MYO16: variants seen among roughly 807,000 people sequenced by gnomAD.
The protein encoded by MYO16 is unconventional myosin-XVI.
A neutral mutation model predicts 205.3 loss-of-function variants in MYO16; 94 were observed. That is an observed-to-expected ratio of 0.46 (90% CI 0.39 to 0.54). The LOEUF (loss-of-function observed/expected upper bound fraction) is 0.54. MYO16 is among the 20% of genes least tolerant of loss of function. The pLI is 0.00. For synonymous variants in MYO16, 988 were observed against 954.0 expected (o/e 1.04, Z -0.66); for missense variants, 2,315 against 2,387.5 (o/e 0.97, Z 0.63).
At chr13:108,537,619 G>A in the MYO16 span, among the ~76,000 whole-genome samples, 1 of 152,096 alleles carries the variant, frequency 6.6e-6, no homozygotes, top group South Asian at 2.1e-4. Context: ...AACACTAACA[G>A]TGGGTAAGCA....
intron 2 of MYO16, among the ~76,000 whole-genome samples, chr13:108,681,999 C>T (rs977489062): frequency 2.0e-5 from 3 of 152,162 alleles, no homozygotes; most frequent in Non-Finnish European, 2.9e-5. Flanking sequence ...ATGATCAGGC[C>T]CCATCACAGA....
the MYO16 span, among the ~76,000 whole-genome samples, chr13:108,545,248 T>A: frequency 3.9e-5 from 6 of 152,318 alleles, no homozygotes; most frequent in African/African-American, 1.2e-4. Flanking sequence ...TAAGTGAAAA[T>A]GGAAAGTATT....
chr13:109,028,255 A>G (rs1886427509), intron 23 of MYO16, among the ~76,000 whole-genome samples: 1 of 131,944 alleles, frequency 7.6e-6, no homozygotes, highest in South Asian at 2.7e-4. Context: ...ATAATATAAA[A>G]AATATATAAA....
chr13:108,534,858 C>T, the MYO16 span, among the ~76,000 whole-genome samples: 8 of 148,014 alleles, frequency 5.4e-5, no homozygotes, highest in Admixed American at 4.1e-4. Context: ...CATCCTCTTC[C>T]TCCTCCTTCT....
intron 1 of MYO16, among the ~76,000 whole-genome samples, chr13:108,664,407 C>G (rs72664972): frequency 6.6e-6 from 1 of 152,154 alleles, no homozygotes; most frequent in Non-Finnish European, 1.5e-5. Context: ...GTCACAACCT[C>G]TCTCAACTTG....
intron 4 of MYO16, among the ~76,000 whole-genome samples, chr13:108,734,286 C>T (rs1221220437): frequency 2.0e-5 from 3 of 151,854 alleles, no homozygotes; most frequent in Non-Finnish European, 2.9e-5. Flanking sequence ...AAAAGCATTG[C>T]CCTGTTATAT....
chr13:108,563,949 C>T, the MYO16 span, among the ~76,000 whole-genome samples: 1 of 152,182 alleles, frequency 6.6e-6, no homozygotes, highest in East Asian at 1.9e-4. Flanking sequence ...TACTAACTTA[C>T]ATTCCCACCA....
chr13:108,914,547 C>CAA (rs1881404847), intron 16 of MYO16, among the ~76,000 whole-genome samples: 1 of 152,114 alleles, frequency 6.6e-6, no homozygotes, highest in African/African-American at 2.4e-5. Context: ...ATACATGAAT[C>CAA]AAAATAAAAT....
chr13:108,884,074 TACTC>T (rs983899916), intron 13 of MYO16, among the ~76,000 whole-genome samples: 3 of 152,194 alleles, frequency 2.0e-5, no homozygotes, highest in South Asian at 2.1e-4. Context: ...GCTCTATAAA[TACTC>T]ACTCACGGTA....
At chr13:109,147,125 CT>C (rs1053631842) in intron 32 of MYO16, among the ~76,000 whole-genome samples, 3 of 151,796 alleles carry the variant, frequency 2.0e-5, no homozygotes, top group Admixed American at 2.0e-4. Flanking sequence ...AGCAATGTGA[CT>C]CTGCAAATTT....
intron 28 of MYO16, chr13:109,102,005 A>C (rs1368901071): frequency 8.5e-5 from 13 of 152,218 alleles, no homozygotes. Context: ...TCTATGACAA[A>C]GAACAAAGAA....
rs74115406 is a variant in MYO16, at chr13:108,691,094, C to G, written c.293-21567C>G. Among the ~76,000 whole-genome samples the G allele has an allele frequency of 3.6e-3, 542 of 152,296 alleles. 6 individuals are homozygous for G. Among genetic ancestry groups the G allele is most frequent in the African/African-American group, 0.012 (497 of 41,562 alleles). ...ATTGATATGGGCTTTTCAATTTGCT[C>G]TTTCATGTGTCCCAGTTAGAATCAG... On this transcript the variant is annotated intron_variant, in intron 2 of 34. Coordinates refer to ENST00000457511, the MANE Select transcript of MYO16 (RefSeq NM_001198950.3).
At chr13:109,090,119 A>G (rs1450481124) in intron 27 of MYO16, among the ~76,000 whole-genome samples, 1 of 152,202 alleles carries the variant, frequency 6.6e-6, no homozygotes, top group Non-Finnish European at 1.5e-5. Context: ...TTGGAAGTAG[A>G]AGGGAAATCC....
chr13:108,969,373 T>C (rs936380539), intron 20 of MYO16, among the ~76,000 whole-genome samples: 7 of 152,234 alleles, frequency 4.6e-5, no homozygotes, highest in African/African-American at 7.2e-5. Context: ...CCACCGAAGG[T>C]ATTAACAAAG....
At chr13:109,001,316 T>A (rs1019625043) in intron 21 of MYO16, among the ~76,000 whole-genome samples, 2 of 152,136 alleles carry the variant, frequency 1.3e-5, no homozygotes, top group African/African-American at 4.8e-5. Flanking sequence ...CCCAGTCCAC[T>A]TCCTGGGTGC....
intron 4 of MYO16, among the ~76,000 whole-genome samples, chr13:108,762,059 CAT>C (rs1380041553): frequency 3.3e-5 from 5 of 152,204 alleles, no homozygotes; most frequent in South Asian, 4.1e-4. Context: ...CATATGTACA[CAT>C]GAATTAGCTC....
upstream of MYO16, among the ~76,000 whole-genome samples, chr13:108,591,858 A>T (rs1878407996): frequency 6.6e-6 from 1 of 152,096 alleles, no homozygotes; most frequent in Non-Finnish European, 1.5e-5. Context: ...GGCTGAGTGT[A>T]GAGAAGAAAA....
At chr13:108,594,830 G>A (rs1480740133), upstream of MYO16, among the ~76,000 whole-genome samples, 2 of 152,150 alleles carry the variant, frequency 1.3e-5, no homozygotes, top group East Asian at 3.9e-4. Flanking sequence ...TCATACATTT[G>A]TTGGATCTCT....
At chr13:109,029,112 C>CTTTTTTTTTTTTTTTTTTTTTTTTTTTGT (rs200871485) in intron 23 of MYO16, among the ~76,000 whole-genome samples, 1 of 98,410 alleles carries the variant, frequency 1.0e-5, no homozygotes, top group Non-Finnish European at 1.9e-5. Context: ...TTTTTCTTTT[C>CTTTTTTTTTTTTTTTTTTTTTTTTTTTGT]TTTTTTTTTT....
Sources: allele counts gnomAD v4.1 joint callset (sites outside exome capture counted in the v4.1 genomes callset), GRCh38; gene constraint gnomAD v4.1.1; transcripts MANE v1.5; gene names NCBI Gene and HGNC (gene_info 2026-07-23, HGNC 2026-07-21).